Variants in TMEM232 observed in about 807,000 individuals in gnomAD.
TMEM232 encodes the protein transmembrane protein 232.
Under a neutral mutation model 78.8 loss-of-function variants are expected in TMEM232, and 80 were observed. The observed-to-expected ratio is 1.01, with a 90% CI of 0.85 to 1.22. TMEM232 has a LOEUF of 1.22. Among genes scored for constraint, TMEM232 ranks in the 50% most tolerant of loss-of-function variants. The pLI is 0.00. For synonymous variants in TMEM232, 297 were observed against 254.3 expected (o/e 1.17, Z -1.60); for missense variants, 881 against 742.2 (o/e 1.19, Z -2.17).
At position 110,556,202 on chromosome 5, in the gene TMEM232, G is replaced by A. The variant is rs552178656; in HGVS notation, c.1455+12245C>T. ...GTGGCAACAAATTCCCTTAGTATTC[G>A]CTTGTTTGAAAATGATTTTATTTCT... is the stretch of plus-strand genomic sequence containing the variant. On this transcript the variant is annotated intron_variant, in intron 11 of 13. Coordinates refer to ENST00000455884, the MANE Select transcript of TMEM232 (RefSeq NM_001039763.4). Among the ~76,000 whole-genome samples the A allele has an allele frequency of 4.6e-5, 7 of 152,088 alleles. No homozygotes were observed. In the East Asian group the frequency reaches 5.8e-4, roughly 13 times the overall value.
chr5:110,520,521 C>A (rs1264454191), intron 12 of TMEM232, among the ~76,000 whole-genome samples: 1 of 152,088 alleles, frequency 6.6e-6, no homozygotes, highest in Non-Finnish European at 1.5e-5. Flanking sequence ...CAATCATTAA[C>A]AAGAGGATCT....
At chr5:110,589,034 T>C (rs1296225069) in intron 10 of TMEM232, among the ~76,000 whole-genome samples, 3 of 152,128 alleles carry the variant, frequency 2.0e-5, no homozygotes, top group South Asian at 2.1e-4. Flanking sequence ...ATTTTTTCAC[T>C]GTGAAGCCAA....
intron 12 of TMEM232, among the ~76,000 whole-genome samples, chr5:110,463,993 T>C (rs553218924): frequency 6.6e-6 from 1 of 152,352 alleles, no homozygotes; most frequent in Admixed American, 6.5e-5. Flanking sequence ...CATGGCTGTC[T>C]CATTTTATCA....
intron 2 of TMEM232, among the ~76,000 whole-genome samples, chr5:110,414,224 A>G (rs944896630): frequency 6.6e-6 from 1 of 152,084 alleles, no homozygotes; most frequent in Non-Finnish European, 1.5e-5. Flanking sequence ...ATTATATCAT[A>G]TTTTTATTTT....
At chr5:110,438,692 C>A (rs1192743008) in intron 12 of TMEM232, among the ~76,000 whole-genome samples, 4 of 152,140 alleles carry the variant, frequency 2.6e-5, no homozygotes, top group South Asian at 2.1e-4. Context: ...TATTCCAAGG[C>A]TTTCAAAGTC....
At chr5:110,525,262 T>C (rs1037466087) in intron 12 of TMEM232, among the ~76,000 whole-genome samples, 1 of 151,576 alleles carries the variant, frequency 6.6e-6, no homozygotes, top group Non-Finnish European at 1.5e-5. Flanking sequence ...GGCTAAAGTA[T>C]AAAAATCAGG....
intron 1 of TMEM232, among the ~76,000 whole-genome samples, chr5:110,667,954 T>C (rs1364879734): frequency 2.0e-5 from 3 of 152,134 alleles, no homozygotes; most frequent in African/African-American, 4.8e-5. Context: ...GAGTATATTC[T>C]ATGAGTGTAT....
chr5:110,618,130 T>C, intron 8 of TMEM232: 1 of 279,934 alleles, frequency 3.6e-6, no homozygotes, highest in Non-Finnish European at 6.6e-6. Flanking sequence ...CAACTTGGAA[T>C]ATAAAGGCTG....
At chr5:110,705,964 T>C (rs1273543017) in intron 1 of TMEM232, among the ~76,000 whole-genome samples, 2 of 152,056 alleles carry the variant, frequency 1.3e-5, no homozygotes, top group East Asian at 1.9e-4. Flanking sequence ...GGAATGAGAC[T>C]ATAACTGCTT....
intron 12 of TMEM232, among the ~76,000 whole-genome samples, chr5:110,471,594 A>G (rs1762686420): frequency 1.3e-5 from 2 of 151,676 alleles, no homozygotes. Context: ...AGAGAATGGG[A>G]TGACATATTC....
At chr5:110,445,512 T>C (rs919696031) in intron 12 of TMEM232, among the ~76,000 whole-genome samples, 4 of 152,184 alleles carry the variant, frequency 2.6e-5, no homozygotes, top group African/African-American at 7.2e-5. Flanking sequence ...TGTTGAATAA[T>C]GGCCTTCGTC....
At chr5:110,694,425 T>C (rs1236682542) in intron 1 of TMEM232, among the ~76,000 whole-genome samples, 1 of 152,098 alleles carries the variant, frequency 6.6e-6, no homozygotes, top group African/African-American at 2.4e-5. Context: ...GCTAACATCA[T>C]AATGACGGGA....
intron 13 of TMEM232, among the ~76,000 whole-genome samples, chr5:110,423,921 T>G (rs1020636504): frequency 4.6e-5 from 7 of 152,238 alleles, no homozygotes; most frequent in African/African-American, 1.7e-4. Context: ...TATAAACCAT[T>G]TGAAATTTTT....
chr5:110,683,431 G>A (rs978123284), intron 1 of TMEM232, among the ~76,000 whole-genome samples: 4 of 151,616 alleles, frequency 2.6e-5, no homozygotes, highest in Admixed American at 6.6e-5. Flanking sequence ...TATATAGAGA[G>A]AGAGTACATG....
chr5:110,693,193 G>A (rs1167683518), intron 1 of TMEM232, among the ~76,000 whole-genome samples: 3 of 152,206 alleles, frequency 2.0e-5, no homozygotes, highest in African/African-American at 7.2e-5. Flanking sequence ...CAGGCAAACA[G>A]GGTCTGGAAT....
chr5:110,639,925 A>T lies in TMEM232; in HGVS notation c.343+966T>A, dbSNP rs544874214. On this transcript the variant is annotated intron_variant, in intron 4 of 13. Coordinates refer to ENST00000455884, the MANE Select transcript of TMEM232 (RefSeq NM_001039763.4). ...TAATGCTCGCTCCCTGGCTGCTCAC[A>T]GCCTGTTGTGCGGCCCAATTCCTAA... Among the ~76,000 whole-genome samples, 54 of 152,314 alleles carry T rather than the reference A, an allele frequency of 3.5e-4. 1 individual carries two copies. The highest frequency in any genetic ancestry group is 2.2e-3 in the Admixed American group (34 of 15,296).
chr5:110,649,031 G>A (rs559398020), intron 2 of TMEM232, among the ~76,000 whole-genome samples: 2 of 152,076 alleles, frequency 1.3e-5, no homozygotes, highest in South Asian at 4.2e-4. Flanking sequence ...CGGTTAGTGT[G>A]GCCTATAATA....
Position 110,713,581 on chromosome 5 carries a change from C to T in TMEM232, c.-13+13046G>A, listed in dbSNP as rs1181609411. On this transcript the variant is annotated intron_variant, in intron 1 of 13. Coordinates refer to ENST00000455884, the MANE Select transcript of TMEM232 (RefSeq NM_001039763.4). Reference sequence around the variant, plus strand: ...TAAGACTTAAGTTTATGAGCTAAAGCAATAAAGCTATTCATTTCAAAATTT... The same window carrying T: ...TAAGACTTAAGTTTATGAGCTAAAGTAATAAAGCTATTCATTTCAAAATTT... Among the ~76,000 whole-genome samples the T allele has an allele frequency of 2.6e-5, 4 of 151,816 alleles. No homozygotes were observed. The East Asian group carries it at 7.7e-4, about 29-fold the overall frequency.
At position 110,499,782 on chromosome 5, in the gene TMEM232, T is replaced by C. The variant is rs562054820; in HGVS notation, c.1703+28806A>G. On this transcript the variant is annotated intron_variant, in intron 12 of 13. Transcript: ENST00000455884. The stretch of plus-strand genomic sequence containing the variant: ...AGTGTTTGACAGAACAAAAAGGTGA[T>C]AGTCAAATCTACAACTATAGTTCAA... Among the ~76,000 whole-genome samples, 14 of 152,266 alleles carry C rather than the reference T, an allele frequency of 9.2e-5. No individual in the cohort carries two copies. In the South Asian group the frequency reaches 1.7e-3, roughly 18 times the overall value.
Sources: gnomAD v4.1 joint callset for allele counts (sites outside exome capture counted in the v4.1 genomes callset) on GRCh38, gnomAD v4.1.1 for gene constraint, MANE v1.5 for transcripts, NCBI Gene and HGNC (gene_info 2026-07-23, HGNC 2026-07-21) for gene names.